Variants in UNC79 observed in about 807,000 individuals in gnomAD.
UNC79 encodes the protein unc-79 subunit of NALCN channel complex.
Under a neutral mutation model 283.1 loss-of-function variants are expected in UNC79, and 37 were observed. The observed-to-expected ratio is 0.13, with a 90% CI of 0.10 to 0.17. The LOEUF is 0.17. UNC79 is among the 10% of genes least tolerant of loss of function. UNC79 has a pLI of 1.00. For synonymous variants in UNC79, 1,107 were observed against 1,200.2 expected, an observed-to-expected ratio of 0.92 and a Z score of 1.61; for missense variants, 2,272 against 3,211.1, an observed-to-expected ratio of 0.71 and a Z score of 7.07.
chr14:93,701,874 T>C (rs1201818118), intron 47 of UNC79, among the ~76,000 whole-genome samples: 1 of 152,208 alleles, frequency 6.6e-6, no homozygotes, highest in African/African-American at 2.4e-5. Flanking sequence ...CCAACATCAC[T>C]ATTCCCCTTG....
intron 19 of UNC79, 110 bp from the exon 20 acceptor site, chr14:93,582,093 A>T (rs2063861716): frequency 6.4e-7 from 1 of 1,554,580 alleles, no homozygotes; most frequent in Non-Finnish European, 8.8e-7. Context: ...CCTCAGCAGC[A>T]TGGGACCCGA....
At chr14:93,634,149 C>T (rs2068292976) in intron 31 of UNC79, among the ~76,000 whole-genome samples, 1 of 152,202 alleles carries the variant, frequency 6.6e-6, no homozygotes, top group East Asian at 1.9e-4. Context: ...ATAATGTATG[C>T]ACAAGCTCTG....
At chr14:93,382,252 G>A (rs2054679534) in intron 1 of UNC79, among the ~76,000 whole-genome samples, 2 of 152,188 alleles carry the variant, frequency 1.3e-5, no homozygotes, top group African/African-American at 2.4e-5. Context: ...CCTGTTCCAT[G>A]CCTTGGTTTT....
chr14:93,634,572 A>G (rs772941632), intron 31 of UNC79: 1 of 1,614,200 alleles, frequency 6.2e-7, no homozygotes, highest in South Asian at 1.1e-5. Context: ...ACAATGAGCC[A>G]GTTAATGAAG....
chr14:93,474,573 T>A lies in UNC79; in HGVS notation c.448+180T>A, dbSNP rs1217735992. On this transcript the variant is annotated intron_variant, in intron 3 of 48. Transcript: ENST00000555664. This position sits in a 1 kb window ranked among gnomAD's most constrained non-coding sequence, Gnocchi z 4.1. Reference sequence around the variant, plus strand: ...CTTCCCATACTATTATTTTACACTGTTTTATTGCCAGAGGGATGTTATCCA... The same window carrying A: ...CTTCCCATACTATTATTTTACACTGATTTATTGCCAGAGGGATGTTATCCA... Among the ~76,000 whole-genome samples the A allele has an allele frequency of 3.3e-5, 5 of 152,194 alleles. No individual in the cohort carries two copies. Among genetic ancestry groups the A allele is most frequent in the Non-Finnish European group, 7.3e-5 (5 of 68,032 alleles).
Position 93,577,071 on chromosome 14 carries a change from A to C in UNC79, c.2212-771A>C, listed in dbSNP as rs187935583. Among the ~76,000 whole-genome samples, 381 of 152,038 alleles carry C rather than the reference A, an allele frequency of 2.5e-3. 3 individuals carry two copies. The highest frequency in any genetic ancestry group is 8.8e-3 in the African/African-American group (364 of 41,530). ...AAAACTTAGCTGGGCCTGGTGGTGC[A>C]TGCCTTTTGTCCCAGCTACTTGGGA... On this transcript the variant is annotated intron_variant, in intron 17 of 48. Coordinates refer to ENST00000555664, the Ensembl canonical transcript of UNC79.
rs375134832 is a variant in UNC79, at chr14:93,621,702, C to T, written c.4469C>T (p.Pro1490Leu). Residue 1490 changes from proline to leucine, a missense_variant, in exon 30 of 49, where the codon CCG becomes CTG. Around this residue, in one of 11 missense-constraint regions of UNC79, gnomAD observed 580 missense variants for 632.2 expected, o/e 0.92. Coordinates refer to ENST00000555664, the Ensembl canonical transcript of UNC79. This position sits in a 1 kb window ranked among gnomAD's most constrained non-coding sequence, Gnocchi z 4.8. ...CACTGTGTGAGAGAAGAAAGCATTC[C>T]GAAAAAAAAGCTACGCTCTTTCAAA... is the stretch of plus-strand genomic sequence containing the variant. 8 of 1,613,008 alleles carry T rather than the reference C, an allele frequency of 5.0e-6. No individual in the cohort carries two copies. The East Asian group carries it at 6.7e-5, about 13-fold the overall frequency.
intron 1 of UNC79, among the ~76,000 whole-genome samples, chr14:93,460,125 G>C (rs2056913466): frequency 8.0e-6 from 1 of 125,178 alleles, no homozygotes; most frequent in South Asian, 3.0e-4. Context: ...TTAGGAGATT[G>C]AGACCATCCT....
upstream of UNC79, among the ~76,000 whole-genome samples, chr14:93,429,993 A>G (rs1002799586): frequency 2.0e-5 from 3 of 152,178 alleles, no homozygotes; most frequent in South Asian, 2.1e-4. Flanking sequence ...CCCGACTCCA[A>G]GTGTCTCTCC....
At chr14:93,565,881 G>T (rs1214258409) in intron 14 of UNC79, among the ~76,000 whole-genome samples, 6 of 152,202 alleles carry the variant, frequency 3.9e-5, no homozygotes, top group Non-Finnish European at 7.3e-5. Flanking sequence ...TTCAGGCTGA[G>T]CCAAGCCACC....
chr14:93,361,085 A>G (rs532333450), intron 1 of UNC79, among the ~76,000 whole-genome samples: 2 of 151,780 alleles, frequency 1.3e-5, no homozygotes, highest in Non-Finnish European at 2.9e-5. Context: ...ATGGTGGTAC[A>G]CGCCTGTAAT....
At position 93,645,580 on chromosome 14, in the gene UNC79, G is replaced by A. The variant is rs181996737; in HGVS notation, c.6045-1028G>A. Among the ~76,000 whole-genome samples the A allele has an allele frequency of 1.6e-3, 237 of 152,230 alleles. 1 individual carries two copies. Among genetic ancestry groups the A allele is most frequent in the African/African-American group, 5.5e-3 (228 of 41,538 alleles). ...GTTTATTTGCGCTAATTATGACCAC[G>A]GGGACCATTCCCAGCAATTCCAAGA... On this transcript the variant is annotated intron_variant, in intron 34 of 48. Coordinates refer to ENST00000555664, the Ensembl canonical transcript of UNC79.
At chr14:93,460,311 C>T (rs1276677510) in intron 1 of UNC79, among the ~76,000 whole-genome samples, 1 of 150,766 alleles carries the variant, frequency 6.6e-6, no homozygotes, top group Admixed American at 6.6e-5. Context: ...AGTTCGAGGC[C>T]AGCCTGACCA....
At chr14:93,560,801 T>C (rs1406902983) in intron 14 of UNC79, among the ~76,000 whole-genome samples, 1 of 151,488 alleles carries the variant, frequency 6.6e-6, no homozygotes, top group Non-Finnish European at 1.5e-5. Flanking sequence ...TGAGAAGGAA[T>C]GCTGAAAGGG....
In UNC79 at chr14:93,347,169, G is replaced by A. The variant is rs1030766772; in HGVS notation, c.-351+13646G>A. The A allele has an allele frequency of 1.1e-5, 16 of 1,397,148 alleles. No individual in the cohort carries two copies. In the Admixed American group the frequency reaches 2.8e-4, roughly 25 times the overall value. The allele number at this position is 1,397,148 out of a possible 1,614,324, so 86.5% of individuals were successfully genotyped here. A position where few individuals can be genotyped will look rare whatever the true frequency, so the allele number is the denominator to read the frequency against. The stretch of plus-strand genomic sequence containing the variant: ...CAGAGCGCCCCCTCGTGGCTGGGGC[G>A]CCTGCGCAAACCAGCTGCCTCACGA... On this transcript the variant is annotated intron_variant, in intron 1 of 49. Transcript: ENST00000256339.
At chr14:93,352,639 A>G (rs565437454) in intron 1 of UNC79, among the ~76,000 whole-genome samples, 121 of 152,314 alleles carry the variant, frequency 7.9e-4, no homozygotes, top group Non-Finnish European at 1.1e-3. Context: ...CACTGAATTA[A>G]TGAATACTGA....
At position 93,612,229 on chromosome 14, in the gene UNC79, T is replaced by C. The variant is rs533196850; in HGVS notation, c.3755-568T>C. 7.2e-5 allele frequency among the ~76,000 whole-genome samples: 11 copies of C among 152,356 alleles called. No homozygotes were observed. The South Asian group carries it at 1.0e-3, about 14-fold the overall frequency. On this transcript the variant is annotated intron_variant, in intron 26 of 48. Coordinates refer to ENST00000555664, the Ensembl canonical transcript of UNC79. ...AGGGCTTATAATTTGCTATTTATAA[T>C]TTTGGCTATTTCATTTAAAGAGTGC... is the stretch of plus-strand genomic sequence containing the variant.
At chr14:93,556,558 G>T (rs965722422) in intron 14 of UNC79, among the ~76,000 whole-genome samples, 1 of 152,038 alleles carries the variant, frequency 6.6e-6, no homozygotes, top group East Asian at 1.9e-4. Context: ...GGAGTCTGTG[G>T]TGCCTCTTCT....
At chr14:93,348,244 GT>G in intron 1 of UNC79, 1 of 638,802 alleles carries the variant, frequency 1.6e-6, no homozygotes, top group Non-Finnish European at 2.8e-6. Context: ...CTTTCCTCAT[GT>G]TTATGATGAA....
Sources: gnomAD v4.1 joint callset for allele counts (sites outside exome capture counted in the v4.1 genomes callset) on GRCh38, gnomAD v4.1.1 for gene constraint, gnomAD v4.1.1 regional missense constraint, Gnocchi (gnomAD v3.1) non-coding constraint, MANE v1.5 for transcripts, NCBI Gene and HGNC (gene_info 2026-07-23, HGNC 2026-07-21) for gene names.